Variants in MOK observed in about 807,000 individuals in gnomAD.
The protein encoded by MOK is MAPK/MAK/MRK overlapping kinase.
Under a neutral mutation model 54.2 loss-of-function variants are expected in MOK, and 59 were observed. The observed-to-expected ratio is 1.09, with a 90% CI of 0.88 to 1.35. MOK has a LOEUF of 1.35. Ranked by LOEUF, MOK falls within the 40% of genes most tolerant of loss-of-function variation. The pLI is 0.00. For synonymous variants in MOK, 210 were observed against 202.7 expected (o/e 1.04, Z -0.31); for missense variants, 517 against 526.2 (o/e 0.98, Z 0.17).
intron 7 of MOK, among the ~76,000 whole-genome samples, chr14:102,242,377 A>G (rs1351326902): frequency 6.6e-6 from 1 of 152,142 alleles, no homozygotes; most frequent in African/African-American, 2.4e-5. Context: ...TATTAGGTGG[A>G]GACATTTTAA....
chr14:102,229,083 T>G lies in MOK; in HGVS notation c.*206A>C, dbSNP rs2064391440. ...AGAAAACCCTAGAATGCGGTGGTTT[T>G]ACAAGTATATTAGCCCAGAACATCC... On this transcript the variant is annotated 3_prime_UTR_variant, in exon 12 of 12. Coordinates refer to ENST00000361847, the MANE Select transcript of MOK (RefSeq NM_014226.3). The G allele has an allele frequency of 2.7e-5, 14 of 524,722 alleles. No individual in the cohort carries two copies. The East Asian group carries it at 4.3e-4, about 16-fold the overall frequency. The allele number at this position is 524,722 out of a possible 1,614,324, so 32.5% of individuals were successfully genotyped here. A position where few individuals can be genotyped will look rare whatever the true frequency, so the allele number is the denominator to read the frequency against.
chr14:102,304,918 C>A, intron 1 of MOK, 44 bp downstream of exon 1: 1 of 1,575,360 alleles, frequency 6.3e-7, no homozygotes. Context: ...CCCTCCCCCG[C>A]CACTCGCTCT....
chr14:102,272,425 C>T (rs762624366), intron 2 of MOK, among the ~76,000 whole-genome samples: 4 of 151,432 alleles, frequency 2.6e-5, no homozygotes, highest in Non-Finnish European at 5.9e-5. Context: ...TGCAGTGAGC[C>T]GAGATCACGC....
chr14:102,289,050 C>G (rs1053957211), intron 1 of MOK, among the ~76,000 whole-genome samples: 1 of 151,990 alleles, frequency 6.6e-6, no homozygotes, highest in Non-Finnish European at 1.5e-5. Flanking sequence ...CTACAGGCAC[C>G]CGCCACCATG....
In MOK at chr14:102,245,567, C is replaced by T. The variant is rs982283317; in HGVS notation, c.590+5245G>A. Reference sequence around the variant, plus strand: ...CAACTGAGCACCTTGTGACCCCCTCCGCCTGCCCCTGCCCACCGGAGAACA... The same window carrying T: ...CAACTGAGCACCTTGTGACCCCCTCTGCCTGCCCCTGCCCACCGGAGAACA... On this transcript the variant is annotated intron_variant, in intron 7 of 11. Transcript: ENST00000361847. The surrounding 1 kb of genome is among the most constrained non-coding windows in gnomAD (Gnocchi z 4.3). 2.0e-5 allele frequency among the ~76,000 whole-genome samples: 3 copies of T among 152,036 alleles called. No homozygotes were observed. The highest frequency in any genetic ancestry group is 4.8e-5 in the African/African-American group (2 of 41,364).
At chr14:102,266,238 A>C (rs1191754740) in intron 2 of MOK, among the ~76,000 whole-genome samples, 1 of 152,200 alleles carries the variant, frequency 6.6e-6, no homozygotes, top group East Asian at 1.9e-4. Flanking sequence ...ATTAAGATTT[A>C]GTCTTCAGTT....
At chr14:102,268,227 C>T (rs2068066204) in intron 2 of MOK, among the ~76,000 whole-genome samples, 1 of 152,170 alleles carries the variant, frequency 6.6e-6, no homozygotes, top group Non-Finnish European at 1.5e-5. Context: ...TCTCCACAGG[C>T]ATTCACTGAG....
chr14:102,296,245 CA>C (rs35588317), intron 1 of MOK, among the ~76,000 whole-genome samples: 1,178 of 61,624 alleles, frequency 0.019, 10 homozygotes, highest in African/African-American at 0.047. Context: ...GAGTACGTCT[CA>C]AAAAAAAAAA....
intron 4 of MOK, among the ~76,000 whole-genome samples, chr14:102,260,214 C>T (rs1015206892): frequency 3.4e-4 from 51 of 150,320 alleles, no homozygotes; most frequent in African/African-American, 1.2e-3. Flanking sequence ...GGCATGGTGG[C>T]GTGCTCCTGT....
At chr14:102,264,210 CAAAAAAAAA>C (rs66463478) in intron 3 of MOK, 2 of 88,748 alleles carry the variant, frequency 2.3e-5, no homozygotes, top group Non-Finnish European at 5.0e-5. Flanking sequence ...GACCCTGTCT[CAAAAAAAAA>C]AAAAAAAAAA....
At chr14:102,285,967 C>A in intron 1 of MOK, among the ~76,000 whole-genome samples, 1 of 152,120 alleles carries the variant, frequency 6.6e-6, no homozygotes, top group East Asian at 1.9e-4. Context: ...GGCATAGTCT[C>A]TTTGGAGGGC....
In MOK at chr14:102,247,700, A is replaced by G. The variant is rs878933396; in HGVS notation, c.590+3112T>C. Among the ~76,000 whole-genome samples the G allele has an allele frequency of 5.3e-5, 8 of 152,230 alleles. No individual in the cohort carries two copies. The East Asian group carries it at 1.5e-3, about 29-fold the overall frequency. ...CTTCTTCAAAATCACAGAGGCGTAG[A>G]CCGACTCACAGCCAAAAAGGGAGGA... is the stretch of plus-strand genomic sequence containing the variant. On this transcript the variant is annotated intron_variant, in intron 7 of 11. Coordinates refer to ENST00000361847, the MANE Select transcript of MOK (RefSeq NM_014226.3).
downstream of MOK, among the ~76,000 whole-genome samples, chr14:102,220,101 G>A (rs977181184): frequency 1.3e-5 from 2 of 152,234 alleles, no homozygotes; most frequent in Non-Finnish European, 2.9e-5. The surrounding 1 kb of genome is among the most constrained non-coding windows in gnomAD (Gnocchi z 4.2). Flanking sequence ...GGACCAGCTG[G>A]CGGAAGCAGC....
intron 2 of MOK, among the ~76,000 whole-genome samples, chr14:102,272,778 T>C (rs2068484855): frequency 6.6e-6 from 1 of 152,182 alleles, no homozygotes. Flanking sequence ...AAAAGACATA[T>C]ACAGCAAACA....
intron 2 of MOK, among the ~76,000 whole-genome samples, chr14:102,272,477 G>GA (rs79253560): frequency 4.7e-4 from 65 of 139,320 alleles, no homozygotes; most frequent in Non-Finnish European, 5.8e-4. Flanking sequence ...ACTCCATCAC[G>GA]AAAAAAAAAA....
rs1197487401 is a variant in MOK, at chr14:102,235,707, G to A, written c.591-1918C>T. ...TTACAGAGACTCTCCAAAAATACACGCGTGTCGATCCCGCCTCCCGGGAAG... is the reference window on the plus strand; with the variant it reads ...TTACAGAGACTCTCCAAAAATACACACGTGTCGATCCCGCCTCCCGGGAAG... On this transcript the variant is annotated intron_variant, in intron 7 of 11. Coordinates refer to ENST00000361847, the MANE Select transcript of MOK (RefSeq NM_014226.3). This position sits in a 1 kb window ranked among gnomAD's most constrained non-coding sequence, Gnocchi z 4.4. The A allele has an allele frequency of 1.3e-5, 2 of 152,074 alleles. No homozygotes were observed. The highest frequency in any genetic ancestry group is 2.9e-5 in the Non-Finnish European group (2 of 68,026). 9.4% of individuals were successfully genotyped at this position (152,074 alleles called of 1,614,324 possible).
rs189198864 is a variant in MOK, at chr14:102,263,229, C to G, written c.283+317G>C. Among the ~76,000 whole-genome samples, 590 of 152,376 alleles carry G rather than the reference C, an allele frequency of 3.9e-3. 5 individuals carry two copies. The highest frequency in any genetic ancestry group is 0.013 in the African/African-American group (553 of 41,598). ...GGGAGCAGAGAGGCCCCTGAGCCAG[C>G]GGGCCTGCACACACATGCCCACGGC... On this transcript the variant is annotated intron_variant, in intron 4 of 11. Transcript: ENST00000361847.
intron 1 of MOK, among the ~76,000 whole-genome samples, chr14:102,293,064 C>T (rs1330658597): frequency 4.6e-5 from 7 of 152,060 alleles, no homozygotes; most frequent in Non-Finnish European, 8.8e-5. Context: ...ACCTGGGAGG[C>T]GGAGGTTGCA....
chr14:102,276,778 C>T (rs141906215), intron 2 of MOK, among the ~76,000 whole-genome samples: 1,907 of 140,358 alleles, frequency 0.014, 21 homozygotes, highest in Middle Eastern at 0.032. Flanking sequence ...GCAACAAGAG[C>T]GAAACTCCGT....
Sources: gnomAD v4.1 joint callset for allele counts (sites outside exome capture counted in the v4.1 genomes callset) on GRCh38, gnomAD v4.1.1 for gene constraint, Gnocchi (gnomAD v3.1) non-coding constraint, MANE v1.5 for transcripts, NCBI Gene and HGNC (gene_info 2026-07-23, HGNC 2026-07-21) for gene names.